The following SUPT6H variants were observed in gnomAD, a reference collection of about 807,000 sequenced individuals.
The protein encoded by SUPT6H is transcription elongation factor SPT6.
SUPT6H carries 11 observed loss-of-function variants against 222.3 expected under a neutral mutation model. The ratio of observed to expected loss-of-function variants is 0.05; its 90% CI spans 0.03 to 0.08. SUPT6H has a LOEUF of 0.08. SUPT6H is among the 10% of genes least tolerant of loss of function. The pLI is 1.00. For missense variants in SUPT6H, 1,422 were observed against 2,216.0 expected, an observed-to-expected ratio of 0.64 and a Z score of 7.19; for synonymous variants, 762 against 801.2, an observed-to-expected ratio of 0.95 and a Z score of 0.83.
rs1438936596 is a variant in SUPT6H, at chr17:28,687,075, C to G, written c.2701-13C>G. ...GGGATTTTAAGGCCCTGCTGACCCT[C>G]GTTTGACTCTAGGCAGAGTTCCGGG... On this transcript the variant is annotated splice_polypyrimidine_tract_variant and intron_variant, in intron 21 of 36. Coordinates refer to ENST00000314616, the MANE Select transcript of SUPT6H (RefSeq NM_003170.5). The G allele has an allele frequency of 8.1e-6, 13 of 1,611,796 alleles. No individual in the cohort carries two copies. Among genetic ancestry groups the G allele is most frequent in the Non-Finnish European group, 1.1e-5 (13 of 1,179,376 alleles).
Position 28,675,457 on chromosome 17 carries a change from C to T in SUPT6H, c.595C>T (p.Arg199Trp), listed in dbSNP as rs1215417344. ...ACAGCCTCTGAAAAAACCTAAGTGG[C>T]GGAAAAAGCTTCCTGGATACACAGA... ...DGQPLKKPKW[R>W]KKLPGYTDAA... The change falls in exon 6 of 37, where the codon CGG becomes TGG. Residue 199 changes from arginine (R) to tryptophan (W), a missense_variant. This residue lies in a region of SUPT6H where 389 missense variants were observed against 544.6 expected (regional missense o/e 0.71). Transcript: ENST00000314616. 6.8e-6 allele frequency: 11 copies of T among 1,613,986 alleles called. No individual in the cohort carries two copies. The highest frequency in any genetic ancestry group is 8.5e-6 in the Non-Finnish European group (10 of 1,180,006).
In SUPT6H at chr17:28,681,424, A is replaced by C. The variant is rs1263053990; in HGVS notation, c.1498+20A>C. 6.4e-7 allele frequency: 1 copy of C among 1,568,156 alleles called. No individual in the cohort carries two copies. The highest frequency in any genetic ancestry group is 1.4e-5 in the African/African-American group (1 of 72,974). ...AAGAAGGTTAGTGCTGGAAAAGAAA[A>C]TCCAGGAGATTTGATGGCCATGCAT... On this transcript the variant is annotated intron_variant, in intron 12 of 36. Transcript: ENST00000314616.
chr17:28,663,495 G>A (rs1476174277), intron 1 of SUPT6H, among the ~76,000 whole-genome samples: 2 of 152,162 alleles, frequency 1.3e-5, no homozygotes, highest in East Asian at 3.8e-4. Context: ...CCTACCTAGT[G>A]TGGTGGAAAC....
At chr17:28,663,893 C>G in intron 1 of SUPT6H, among the ~76,000 whole-genome samples, 1 of 121,156 alleles carries the variant, frequency 8.3e-6, no homozygotes, top group Non-Finnish European at 1.6e-5. Context: ...TGCAGTGGCC[C>G]CATCATAGCT....
chr17:28,665,805 A>G lies in SUPT6H; in HGVS notation c.-32+3463A>G, dbSNP rs2029978853. ...ATATGTATATGTATTTGTCCTAGCT[A>G]CCTGGGAGGCTGAGGTGAGATTATG... On this transcript the variant is annotated intron_variant, in intron 1 of 36. Transcript: ENST00000314616. 3.3e-5 allele frequency among the ~76,000 whole-genome samples: 5 copies of G among 152,126 alleles called. No homozygotes were observed. The South Asian group carries it at 1.0e-3, about 32-fold the overall frequency.
rs1263015469 is a variant in SUPT6H at position 28,686,435 on chromosome 17, C to A, written c.2564+20C>A. On this transcript the variant is annotated intron_variant, in intron 20 of 36. Transcript: ENST00000314616. ...GAACAGGTAGGTAGGGATTAGACCA[C>A]ACCTGGTTTAAGGCCGTGACCCAAC... is the stretch of plus-strand genomic sequence containing the variant. 6.2e-7 allele frequency: 1 copy of A among 1,609,650 alleles called. No homozygotes were observed. Among genetic ancestry groups the A allele is most frequent in the African/African-American group, 1.3e-5 (1 of 74,926 alleles).
chr17:28,675,217 G>A lies in SUPT6H; in HGVS notation c.538+55G>A, dbSNP rs138368119. ...TTTGGATGGGTATTGGGATTTCCTG[G>A]CCCATGGGAACAGGATGGAAACCAT... is the stretch of plus-strand genomic sequence containing the variant. On this transcript the variant is annotated intron_variant, in intron 5 of 36. Transcript: ENST00000314616. The A allele has an allele frequency of 1.9e-4, 298 of 1,547,456 alleles. 3 individuals carry two copies. In the East Asian group the frequency reaches 6.3e-3, roughly 33 times the overall value.
intron 30 of SUPT6H, 51 bp downstream of exon 30, chr17:28,697,133 G>GTGCC: frequency 6.4e-7 from 1 of 1,557,912 alleles, no homozygotes; most frequent in Non-Finnish European, 8.8e-7. Context: ...TTCCAGAAAG[G>GTGCC]TGCCCTTCAG....
chr17:28,675,970 C>T (rs1035166939), intron 6 of SUPT6H, among the ~76,000 whole-genome samples, 187 bp from the exon 7 acceptor site: 1 of 152,128 alleles, frequency 6.6e-6, no homozygotes, highest in Non-Finnish European at 1.5e-5. Flanking sequence ...TTTAATCTTC[C>T]ATATACAATA....
Position 28,676,175 on chromosome 17 carries a change from G to A in SUPT6H, c.642G>A (p.Gln214=), listed in dbSNP as rs368314136. Reference sequence around the variant, plus strand: ...CCTACAGGGCCCTGCAAGAAGCCCAGGAAATCTTCGGTGTGGACTTTGACT... The same window carrying A: ...CCTACAGGGCCCTGCAAGAAGCCCAAGAAATCTTCGGTGTGGACTTTGACT... The part of the protein sequence containing the change: ...GYTDAALQEA[Q]EIFGVDFDYD... Residue 214 remains glutamine (Q), a synonymous_variant, in exon 7 of 37, where the codon CAG becomes CAA. Coordinates refer to ENST00000314616, the MANE Select transcript of SUPT6H (RefSeq NM_003170.5). 2.5e-6 allele frequency: 4 copies of A among 1,598,406 alleles called. No individual in the cohort carries two copies. In the African/African-American group the frequency reaches 5.4e-5, roughly 22 times the overall value.
intron 17 of SUPT6H, among the ~76,000 whole-genome samples, chr17:28,684,255 C>T (rs1262608244): frequency 1.3e-5 from 2 of 152,090 alleles, no homozygotes; most frequent in Non-Finnish European, 2.9e-5. Context: ...TGGAGAAACA[C>T]GGGGGGCAGG....
chr17:28,674,604 C>A lies in SUPT6H; in HGVS notation c.336C>A (p.Val112=). The change falls in exon 4 of 37, where the codon GTC becomes GTA. Residue 112 remains valine, a synonymous_variant. Coordinates refer to ENST00000314616, the MANE Select transcript of SUPT6H (RefSeq NM_003170.5). The stretch of plus-strand genomic sequence containing the variant: ...TTGAGGAGAATTTGGGTGTCAAAGT[C>A]AAAAGAGGAGTAAGTGTCATTCTTT... The part of the protein sequence containing the change: ...DLIEENLGVK[V]KRGQKYRRVK... 6.2e-7 allele frequency: 1 copy of A among 1,613,914 alleles called. No homozygotes were observed. Among genetic ancestry groups the A allele is most frequent in the South Asian group, 1.1e-5 (1 of 91,038 alleles).
chr17:28,673,240 TCTCC>T (rs2030539604), intron 1 of SUPT6H, 127 bp from the exon 2 acceptor site: 1 of 581,708 alleles, frequency 1.7e-6, no homozygotes, highest in African/African-American at 1.9e-5. Context: ...CTTCTTTTCT[TCTCC>T]CCAAGTGGGA....
At chr17:28,682,163 A>G in intron 13 of SUPT6H, 183 bp downstream of exon 13, 1 of 518,838 alleles carries the variant, frequency 1.9e-6, no homozygotes, top group East Asian at 3.1e-5. Flanking sequence ...GCCCGACATG[A>G]TGGTTCAGCC....
chr17:28,685,006 T>TGCA, intron 19 of SUPT6H, 45 bp downstream of exon 19: 2 of 1,545,942 alleles, frequency 1.3e-6, no homozygotes, highest in Non-Finnish European at 1.8e-6. Flanking sequence ...CTGGAGTATG[T>TGCA]CTTATGATTC....
At position 28,675,476 on chromosome 17, in the gene SUPT6H, A is replaced by G. The variant is rs1176265762; in HGVS notation, c.614A>G (p.Tyr205Cys). 6.2e-7 allele frequency: 1 copy of G among 1,614,070 alleles called. No homozygotes were observed. The highest frequency in any genetic ancestry group is 8.5e-7 in the Non-Finnish European group (1 of 1,180,018). ...KPKWRKKLPG[Y>C]TDAALQEAQE... is the part of the protein sequence containing the mutation. The stretch of plus-strand genomic sequence containing the variant: ...AAGTGGCGGAAAAAGCTTCCTGGAT[A>G]CACAGACGCGTGAGTGGGGTCTGGT... Residue 205 changes from tyrosine to cysteine, a missense_variant, in exon 6 of 37, where the codon TAC becomes TGC. Around this residue, in one of 13 missense-constraint regions of SUPT6H, gnomAD observed 389 missense variants for 544.6 expected, o/e 0.71. Coordinates refer to ENST00000314616, the MANE Select transcript of SUPT6H (RefSeq NM_003170.5).
chr17:28,675,336 C>G (rs535525739), intron 5 of SUPT6H, 65 bp from the exon 6 acceptor site: 5 of 1,585,838 alleles, frequency 3.2e-6, no homozygotes, highest in Non-Finnish European at 4.3e-6. Context: ...ATAGTAGGAA[C>G]CAAAGCAATT....
At chr17:28,674,763 G>A in intron 4 of SUPT6H, 150 bp downstream of exon 4, 1 of 901,308 alleles carries the variant, frequency 1.1e-6, no homozygotes, top group Non-Finnish European at 1.7e-6. Context: ...GCCTAGATTT[G>A]CATCCCAGAT....
intron 1 of SUPT6H, chr17:28,671,367 G>A (rs933003062): frequency 6.6e-6 from 1 of 152,182 alleles, no homozygotes; most frequent in African/African-American, 2.4e-5. Flanking sequence ...AATGCCTCTT[G>A]TATTGCCATT....
Sources: allele counts gnomAD v4.1 joint callset (sites outside exome capture counted in the v4.1 genomes callset), GRCh38; gene constraint gnomAD v4.1.1; regional missense constraint gnomAD v4.1.1; transcripts MANE v1.5; gene names NCBI Gene and HGNC (gene_info 2026-07-23, HGNC 2026-07-21).